Variants in ARAP2 observed in about 807,000 individuals in gnomAD.
ARAP2 encodes arf-GAP with Rho-GAP domain, ANK repeat and PH domain-containing protein 2.
A neutral mutation model predicts 194.5 loss-of-function variants in ARAP2; 148 were observed. The observed-to-expected ratio is 0.76, with a 90% CI of 0.67 to 0.87. The LOEUF is 0.87. Ranked by LOEUF, ARAP2 falls within the 40% of genes least tolerant of loss-of-function variation. The probability of loss-of-function intolerance (pLI) is 0.00; values close to 1 mark genes in which losing one functional copy is unlikely to be tolerated. For missense variants in ARAP2, 2,128 were observed against 1,989.7 expected (o/e 1.07, Z -1.32); for synonymous variants, 695 against 683.5 (o/e 1.02, Z -0.26).
At chr4:36,224,431 G>C (rs1749848561) in intron 2 of ARAP2, among the ~76,000 whole-genome samples, 2 of 152,060 alleles carry the variant, frequency 1.3e-5, no homozygotes, top group South Asian at 4.1e-4. Flanking sequence ...CCAATAATGT[G>C]AAACTGACAA....
At chr4:36,064,895 A>G (rs147789242), downstream of ARAP2, among the ~76,000 whole-genome samples, 457 of 152,330 alleles carry the variant, frequency 3.0e-3, no homozygotes, top group Middle Eastern at 6.8e-3. Flanking sequence ...GAAAGGGTGG[A>G]GATGATGAGA....
At chr4:36,204,893 G>A (rs1383055155) in intron 6 of ARAP2, among the ~76,000 whole-genome samples, 3 of 150,162 alleles carry the variant, frequency 2.0e-5, no homozygotes, top group Non-Finnish European at 4.4e-5. Flanking sequence ...GGAGGCTGTG[G>A]CAGAGAACTG....
chr4:36,184,366 CAAAAT>C (rs746035405), intron 8 of ARAP2, among the ~76,000 whole-genome samples: 6 of 152,086 alleles, frequency 3.9e-5, no homozygotes, highest in Non-Finnish European at 5.9e-5. Context: ...AACTTTTAAT[CAAAAT>C]AACTCATTCA....
chr4:36,163,470 T>G (rs922095351), intron 11 of ARAP2, among the ~76,000 whole-genome samples: 18 of 152,112 alleles, frequency 1.2e-4, no homozygotes, highest in African/African-American at 4.3e-4. Context: ...AGGTAGCTCA[T>G]CAGCAGTTAA....
intron 8 of ARAP2, among the ~76,000 whole-genome samples, chr4:36,178,234 T>A (rs1683507458): frequency 6.6e-6 from 1 of 152,166 alleles, no homozygotes; most frequent in Non-Finnish European, 1.5e-5. Context: ...ACCTGAGAGT[T>A]TATTAGAAAT....
intron 21 of ARAP2, among the ~76,000 whole-genome samples, chr4:36,128,148 C>T (rs1481595933): frequency 6.6e-6 from 1 of 151,876 alleles, no homozygotes; most frequent in Non-Finnish European, 1.5e-5. Context: ...ACAAAAGAGT[C>T]ATGGGTGAAA....
chr4:36,104,447 T>C (rs913319635), intron 27 of ARAP2, among the ~76,000 whole-genome samples: 5 of 151,974 alleles, frequency 3.3e-5, no homozygotes, highest in Admixed American at 6.6e-5. Context: ...GCAATAACTC[T>C]GGAGTAGGTA....
At chr4:36,243,641 A>G (rs998362000) in intron 1 of ARAP2, 7 of 152,214 alleles carry the variant, frequency 4.6e-5, no homozygotes, top group East Asian at 1.9e-4. Flanking sequence ...ACTTCTCCCA[A>G]GAGAACTGTC....
At chr4:36,055,493 C>T (rs1181380029) in intron 2 of ARAP2, among the ~76,000 whole-genome samples, 1 of 152,146 alleles carries the variant, frequency 6.6e-6, no homozygotes, top group South Asian at 2.1e-4. Context: ...TGATTCAACT[C>T]AGCAGTCTCA....
chr4:36,124,937 T>G lies in ARAP2; in HGVS notation c.3671A>C (p.Lys1224Thr), dbSNP rs1207494024. 1.9e-6 allele frequency: 3 copies of G among 1,610,528 alleles called. No homozygotes were observed. Among genetic ancestry groups the G allele is most frequent in the Non-Finnish European group, 2.5e-6 (3 of 1,177,838 alleles). The part of the protein sequence containing the change: ...DTQDDKERIK[K>T]YGAFIRSLPG... The stretch of plus-strand genomic sequence containing the variant: ...AAGAGAACGTATAAATGCTCCATAT[T>G]TTTTAATTCTTTCCTTGTCATCTTG... Residue 1224 changes from lysine (K) to threonine (T), a missense_variant, in exon 22 of 33, where the codon AAA becomes ACA. Coordinates refer to ENST00000303965, the MANE Select transcript of ARAP2 (RefSeq NM_015230.4).
rs757854394 is a variant in ARAP2, at chr4:36,147,386, T to C, written c.3200-27A>G. 4 of 1,610,676 alleles carry C rather than the reference T, an allele frequency of 2.5e-6. No homozygotes were observed. In the East Asian group the frequency reaches 8.9e-5, roughly 36 times the overall value. On this transcript the variant is annotated intron_variant, in intron 18 of 32. Transcript: ENST00000303965. Reference sequence around the variant, plus strand: ...TGAAGGGAGAATGAAAAGCAAAAATTTATTTTTTAAAACACTGTAATAAAC... The same window carrying C: ...TGAAGGGAGAATGAAAAGCAAAAATCTATTTTTTAAAACACTGTAATAAAC...
At chr4:36,184,603 C>T (rs764595929) in intron 8 of ARAP2, among the ~76,000 whole-genome samples, 1 of 152,156 alleles carries the variant, frequency 6.6e-6, no homozygotes, top group Non-Finnish European at 1.5e-5. Context: ...TTGGTACACT[C>T]TACTTAAATA....
At chr4:36,064,243 T>C (rs903450421), downstream of ARAP2, among the ~76,000 whole-genome samples, 1 of 150,700 alleles carries the variant, frequency 6.6e-6, no homozygotes, top group African/African-American at 2.4e-5. Context: ...GCCTTCATTA[T>C]GCAAGCCTGA....
intron 5 of ARAP2, among the ~76,000 whole-genome samples, chr4:36,034,160 T>C (rs1164707376): frequency 2.6e-5 from 4 of 152,156 alleles, no homozygotes; most frequent in African/African-American, 4.8e-5. Flanking sequence ...AATTTTAAAA[T>C]AGGTGTTTCT....
intron 1 of ARAP2, among the ~76,000 whole-genome samples, chr4:36,235,955 T>C (rs752446712): frequency 6.6e-6 from 1 of 152,072 alleles, no homozygotes; most frequent in Non-Finnish European, 1.5e-5. Context: ...GGTGGGTGGA[T>C]TGCTTGAGCC....
At chr4:36,025,149 C>T (rs762157251) in intron 5 of ARAP2, among the ~76,000 whole-genome samples, 13 of 152,074 alleles carry the variant, frequency 8.5e-5, no homozygotes, top group Non-Finnish European at 1.3e-4. Flanking sequence ...TTTGCAATGC[C>T]ATTCTGGGAG....
At position 36,067,878 on chromosome 4, in the gene ARAP2, AT is replaced by A. The variant is rs1355041116; in HGVS notation, c.*28del. Reference sequence around the variant, plus strand: ...AAAGATTGCATACAATATTAAAAAAATAATCTGGGGAGCAATTCATTTTATT... The same window carrying A: ...AAAGATTGCATACAATATTAAAAAAAAATCTGGGGAGCAATTCATTTTATT... On this transcript the variant is annotated 3_prime_UTR_variant, in exon 33 of 33. Coordinates refer to ENST00000303965, the MANE Select transcript of ARAP2 (RefSeq NM_015230.4). The A allele has an allele frequency of 1.0e-5, 16 of 1,532,830 alleles. No individual in the cohort carries two copies. The highest frequency in any genetic ancestry group is 5.6e-5 in the African/African-American group (4 of 72,046). The allele number at this position is 1,532,830 out of a possible 1,614,324, so 95.0% of individuals were successfully genotyped here. A position where few individuals can be genotyped will look rare whatever the true frequency, so the allele number is the denominator to read the frequency against.
rs940195048 is a variant in ARAP2 at position 36,228,472 on chromosome 4, G to C, written c.905+110C>G. On this transcript the variant is annotated intron_variant, in intron 2 of 32. Coordinates refer to ENST00000303965, the MANE Select transcript of ARAP2 (RefSeq NM_015230.4). ...TTAAAAGAAAAGGTTGGTTGAATAG[G>C]TAAATGAATACAGTCAAATTTAGAT... 9.3e-6 allele frequency: 11 copies of C among 1,177,086 alleles called. No individual in the cohort carries two copies. The East Asian group carries it at 1.2e-4, about 13-fold the overall frequency. 72.9% of individuals were successfully genotyped at this position (1,177,086 alleles called of 1,614,324 possible).
At chr4:36,223,640 T>TGAAGTTAAATACAGTC (rs1578335244) in intron 2 of ARAP2, among the ~76,000 whole-genome samples, 1 of 152,132 alleles carries the variant, frequency 6.6e-6, no homozygotes, top group East Asian at 1.9e-4. Context: ...GGTAAGTAAT[T>TGAAGTTAAATACAGTC]GAAGTTAAAT....
Sources: gnomAD v4.1 joint callset for allele counts (sites outside exome capture counted in the v4.1 genomes callset) on GRCh38, gnomAD v4.1.1 for gene constraint, MANE v1.5 for transcripts, NCBI Gene and HGNC (gene_info 2026-07-23, HGNC 2026-07-21) for gene names.